XDH: variants seen among roughly 807,000 people sequenced by gnomAD.
The protein encoded by XDH is xanthine dehydrogenase, also known as xanthine dehydrogenase/oxidase.
In XDH, 138 loss-of-function variants were observed where a neutral mutation model predicts 156.1. That is an observed-to-expected ratio of 0.88 (90% CI 0.77 to 1.02). XDH has a LOEUF of 1.02. Among genes scored for constraint, XDH ranks in the 50% least tolerant of loss-of-function variants. The pLI, the probability that XDH is intolerant of heterozygous loss-of-function variation, is 0.00. For synonymous variants in XDH, 669 were observed against 625.7 expected, an observed-to-expected ratio of 1.07 and a Z score of -1.03; for missense variants, 1,849 against 1,684.9, an observed-to-expected ratio of 1.10 and a Z score of -1.71.
At chr2:31,350,430 G>A (rs1268933258) in intron 24 of XDH, among the ~76,000 whole-genome samples, 2 of 129,872 alleles carry the variant, frequency 1.5e-5, no homozygotes, top group Non-Finnish European at 3.1e-5. Context: ...AGGCTGGAGT[G>A]CAGTGGAGCG....
intron 1 of XDH, 99 bp from the exon 2 acceptor site, chr2:31,406,063 G>T: frequency 7.4e-7 from 1 of 1,345,188 alleles, no homozygotes; most frequent in Non-Finnish European, 1.1e-6. Flanking sequence ...AATTTGTAGA[G>T]TTAGTAGGAA....
chr2:31,345,186 C>T (rs973813328), intron 30 of XDH, among the ~76,000 whole-genome samples: 1 of 152,212 alleles, frequency 6.6e-6, no homozygotes, highest in African/African-American at 2.4e-5. Context: ...CACCTCTGCA[C>T]CTTTATTTAT....
At chr2:31,375,318 A>G (rs1686214716) in intron 15 of XDH, 62 bp downstream of exon 15, 2 of 1,610,318 alleles carry the variant, frequency 1.2e-6, no homozygotes, top group African/African-American at 2.7e-5. Context: ...TACTACCCAG[A>G]CCAACTTCTT....
intron 25 of XDH, 83 bp downstream of exon 25, chr2:31,349,949 T>C (rs1461813387): frequency 1.3e-5 from 21 of 1,610,944 alleles, no homozygotes; most frequent in African/African-American, 2.7e-5. Flanking sequence ...TCTGCCCCCA[T>C]GGGAGATGCC....
At chr2:31,377,322 T>A in intron 13 of XDH, 85 bp from the exon 14 acceptor site, 1 of 1,491,864 alleles carries the variant, frequency 6.7e-7, no homozygotes, top group Admixed American at 1.7e-5. Flanking sequence ...GGCTATGAGG[T>A]GAGGTGAGGG....
chr2:31,364,579 A>G (rs1262906543), intron 23 of XDH, among the ~76,000 whole-genome samples: 2 of 151,764 alleles, frequency 1.3e-5, no homozygotes, highest in Non-Finnish European at 2.9e-5. Context: ...GGCGGGGGGG[A>G]AGCGCAGGGA....
rs1685356115 is a variant in XDH at position 31,348,271 on chromosome 2, G to T, written c.3144C>A (p.Val1048=). Residue 1048 remains valine (V), a synonymous_variant, in exon 28 of 36, where the codon GTC becomes GTA. Coordinates refer to ENST00000379416, the MANE Select transcript of XDH (RefSeq NM_000379.4). The part of the protein sequence containing the change: ...EMGQGLHTKM[V]QVASRALKIP... Reference sequence around the variant, plus strand: ...ACTGCCAGAGAGGGCTGCTCACCTGGACCATTTTGGTATGAAGGCCTTGGC... The same window carrying T: ...ACTGCCAGAGAGGGCTGCTCACCTGTACCATTTTGGTATGAAGGCCTTGGC... 14 of 1,614,144 alleles carry T rather than the reference G, an allele frequency of 8.7e-6. No individual in the cohort carries two copies. Among genetic ancestry groups the T allele is most frequent in the South Asian group, 1.1e-5 (1 of 91,066 alleles).
At chr2:31,385,341 C>G (rs1445721785) in intron 9 of XDH, among the ~76,000 whole-genome samples, 1 of 152,204 alleles carries the variant, frequency 6.6e-6, no homozygotes. Flanking sequence ...CCTGCTGCCT[C>G]AGTGTGTCAC....
intron 26 of XDH, 89 bp from the exon 27 acceptor site, chr2:31,349,069 C>T: frequency 7.7e-7 from 1 of 1,301,290 alleles, no homozygotes. Flanking sequence ...ACAGGACATC[C>T]TTGGGGTTGC....
intron 3 of XDH, among the ~76,000 whole-genome samples, chr2:31,401,720 G>C (rs1035358986): frequency 6.6e-6 from 1 of 152,238 alleles, no homozygotes; most frequent in Admixed American, 6.5e-5. Context: ...CTGTTCCTTA[G>C]CTTCCAATCA....
chr2:31,365,129 G>A (rs2148766606), intron 23 of XDH, among the ~76,000 whole-genome samples: 1 of 152,286 alleles, frequency 6.6e-6, no homozygotes, highest in South Asian at 2.1e-4. Context: ...CATCAGGCCT[G>A]TGATCATGTT....
chr2:31,377,094 T>A lies in XDH; in HGVS notation c.1386A>T (p.Arg462Ser), dbSNP rs769721728. Residue 462 changes from arginine (R) to serine (S), a missense_variant, in exon 14 of 36, where the codon AGA becomes AGT. Arg to Ser is a moderately radical substitution (Grantham distance 110). Coordinates refer to ENST00000379416, the MANE Select transcript of XDH (RefSeq NM_000379.4). ...GAGTGGTCTTGAGGGCTGAGATGGT[T>A]CTGTTGGCCATTCCACCATAGCAAA... The part of the protein sequence containing the change: ...LALCYGGMAN[R>S]TISALKTTQR... The A allele has an allele frequency of 3.7e-6, 6 of 1,614,130 alleles. No individual in the cohort carries two copies. The highest frequency in any genetic ancestry group is 1.6e-4 in the Middle Eastern group (1 of 6,062).
At chr2:31,383,201 G>C in intron 10 of XDH, 49 bp from the exon 11 acceptor site, 6 of 1,613,738 alleles carry the variant, frequency 3.7e-6, no homozygotes, top group Non-Finnish European at 5.1e-6. Context: ...CAGTTCAGAA[G>C]AGGCTTTCAT....
At chr2:31,383,913 C>A (rs1558305933) in intron 9 of XDH, 66 bp from the exon 10 acceptor site, 1 of 1,362,006 alleles carries the variant, frequency 7.3e-7, no homozygotes, top group Non-Finnish European at 1.0e-6. Context: ...GCCTTAGCAG[C>A]TTTTCTCACC....
At chr2:31,369,346 T>C (rs1382643953) in intron 18 of XDH, among the ~76,000 whole-genome samples, 1 of 152,200 alleles carries the variant, frequency 6.6e-6, no homozygotes, top group Non-Finnish European at 1.5e-5. Context: ...ATGATAATGA[T>C]TGTTGTTTTA....
Position 31,407,528 on chromosome 2 carries a change from G to A in XDH, c.43-1564C>T, listed in dbSNP as rs931485878. 2.6e-5 allele frequency among the ~76,000 whole-genome samples: 4 copies of A among 152,140 alleles called. 1 individual carries two copies. The South Asian group carries it at 6.2e-4, about 24-fold the overall frequency. ...TGGAGAACAGCAGCCTGAGAAAAGT[G>A]CATCACTCATATCATGAGACATGCA... On this transcript the variant is annotated intron_variant, in intron 1 of 35. Coordinates refer to ENST00000379416, the MANE Select transcript of XDH (RefSeq NM_000379.4).
chr2:31,354,842 A>G (rs1685583249), intron 24 of XDH, among the ~76,000 whole-genome samples: 1 of 152,208 alleles, frequency 6.6e-6, no homozygotes, highest in Non-Finnish European at 1.5e-5. Context: ...GAAGAAAAGG[A>G]GAAAAAGAGA....
At position 31,350,316 on chromosome 2, in the gene XDH, C is replaced by T; in HGVS notation, c.2632-93G>A. On this transcript the variant is annotated intron_variant, in intron 24 of 35. Coordinates refer to ENST00000379416, the MANE Select transcript of XDH (RefSeq NM_000379.4). The stretch of plus-strand genomic sequence containing the variant: ...CTTTGAGGGCTGTATCCATTGCCTG[C>T]CTTTCCCCTCTGCACCCAAGTTATT... 3.1e-6 allele frequency: 4 copies of T among 1,278,836 alleles called. No homozygotes were observed. In the South Asian group the frequency reaches 4.8e-5, roughly 15 times the overall value. The allele number at this position is 1,278,836 out of a possible 1,614,324, so 79.2% of individuals were successfully genotyped here. A position where few individuals can be genotyped will look rare whatever the true frequency, so the allele number is the denominator to read the frequency against.
intron 14 of XDH, among the ~76,000 whole-genome samples, chr2:31,375,995 C>T (rs1008491131): frequency 6.6e-6 from 1 of 152,156 alleles, no homozygotes; most frequent in Non-Finnish European, 1.5e-5. Context: ...GAACCAAACT[C>T]CAAGTTAAGC....
Sources: allele counts gnomAD v4.1 joint callset (sites outside exome capture counted in the v4.1 genomes callset), GRCh38; gene constraint gnomAD v4.1.1; transcripts MANE v1.5; gene names NCBI Gene and HGNC (gene_info 2026-07-23, HGNC 2026-07-21).